HYCC1: variants seen among roughly 807,000 people sequenced by gnomAD.
The protein encoded by HYCC1 is hyccin PI4KA lipid kinase complex subunit 1.
chr7:22,919,136 G>T, the HYCC1 span, among the ~76,000 whole-genome samples: 1 of 152,196 alleles, frequency 6.6e-6, no homozygotes, highest in Non-Finnish European at 1.5e-5. Flanking sequence ...CAAAAAAATT[G>T]CATGTGAGAG....
chr7:22,949,146 C>T, the HYCC1 span, among the ~76,000 whole-genome samples: 36 of 152,096 alleles, frequency 2.4e-4, no homozygotes, highest in Non-Finnish European at 5.0e-4. Context: ...TAAGCATAGG[C>T]CTAATAGAAT....
At chr7:22,989,147 A>T in the HYCC1 span, among the ~76,000 whole-genome samples, 1 of 152,168 alleles carries the variant, frequency 6.6e-6, no homozygotes, top group East Asian at 1.9e-4. Flanking sequence ...TTGCTTTTGC[A>T]TATTTTACTT....
chr7:22,938,744 A>C, the HYCC1 span: 2 of 152,118 alleles, frequency 1.3e-5, no homozygotes, highest in African/African-American at 4.8e-5. Context: ...CCAGATATCC[A>C]ATTCATTGCT....
chr7:22,923,946 C>T, the HYCC1 span, among the ~76,000 whole-genome samples: 4 of 139,676 alleles, frequency 2.9e-5, no homozygotes, highest in African/African-American at 8.1e-5. Flanking sequence ...CACTTGAGGT[C>T]AGGAGTTCAA....
At chr7:22,912,077 T>G in the HYCC1 span, among the ~76,000 whole-genome samples, 3 of 152,238 alleles carry the variant, frequency 2.0e-5, no homozygotes, top group Non-Finnish European at 2.9e-5. Context: ...TATGGCAGCA[T>G]GAGAAACTCC....
the HYCC1 span, among the ~76,000 whole-genome samples, chr7:22,899,410 A>G: frequency 6.6e-6 from 1 of 152,210 alleles, no homozygotes; most frequent in Admixed American, 6.5e-5. Context: ...AAGGTTAAGG[A>G]TATCCAATAA....
chr7:22,956,690 T>C, the HYCC1 span, among the ~76,000 whole-genome samples: 7 of 151,884 alleles, frequency 4.6e-5, no homozygotes, highest in Admixed American at 4.6e-4. Flanking sequence ...GGGGAGGCTA[T>C]GAATGTGGGG....
chr7:22,923,514 C>T, the HYCC1 span, among the ~76,000 whole-genome samples: 21 of 151,464 alleles, frequency 1.4e-4, no homozygotes, highest in South Asian at 2.1e-4. Context: ...AAGAAAAGAA[C>T]GAAACTCAAA....
chr7:22,964,530 T>C, the HYCC1 span: 60 of 1,566,144 alleles, frequency 3.8e-5, 3 homozygotes, highest in African/African-American at 6.2e-4. Context: ...CAAACACAGA[T>C]TCTAGAAAAA....
At chr7:22,970,351 A>T in the HYCC1 span, among the ~76,000 whole-genome samples, 36 of 152,358 alleles carry the variant, frequency 2.4e-4, no homozygotes, top group African/African-American at 6.5e-4. Flanking sequence ...TTATCAAATC[A>T]TAAATCTGAG....
At chr7:22,977,286 G>A in the HYCC1 span, 1 of 1,080,656 alleles carries the variant, frequency 9.3e-7, no homozygotes, top group African/African-American at 1.6e-5. Flanking sequence ...ATTATAACTT[G>A]TGGCAATATC....
the HYCC1 span, among the ~76,000 whole-genome samples, chr7:22,923,925 G>A: frequency 1.3e-5 from 2 of 150,318 alleles, no homozygotes; most frequent in African/African-American, 4.9e-5. Context: ...GGAAAGCCCA[G>A]GCAGGCAGAT....
the HYCC1 span, among the ~76,000 whole-genome samples, chr7:22,928,865 A>G: frequency 6.6e-6 from 1 of 152,298 alleles, no homozygotes; most frequent in South Asian, 2.1e-4. Flanking sequence ...GGAACCAAAA[A>G]AGAGCCCGCA....
chr7:22,951,380 C>G, the HYCC1 span, among the ~76,000 whole-genome samples: 1 of 151,858 alleles, frequency 6.6e-6, no homozygotes, highest in Non-Finnish European at 1.5e-5. Context: ...GCATCTGGCT[C>G]TGACATGGGG....
chr7:22,960,247 A>T, the HYCC1 span: 1 of 1,612,778 alleles, frequency 6.2e-7, no homozygotes, highest in Non-Finnish European at 8.5e-7. Flanking sequence ...AGAGTTACGT[A>T]TTTCTTACCA....
At chr7:22,968,406 C>T in the HYCC1 span, among the ~76,000 whole-genome samples, 1 of 152,292 alleles carries the variant, frequency 6.6e-6, no homozygotes, top group African/African-American at 2.4e-5. Flanking sequence ...GCAGAATCCC[C>T]AGACAGAAGC....
chr7:22,916,525 GACC>G, the HYCC1 span, among the ~76,000 whole-genome samples: 1 of 152,142 alleles, frequency 6.6e-6, no homozygotes, highest in Non-Finnish European at 1.5e-5. Context: ...CAAGAGCCAG[GACC>G]ACATCCTGTA....
the HYCC1 span, among the ~76,000 whole-genome samples, chr7:23,007,500 T>TA: frequency 1.3e-5 from 2 of 152,174 alleles, no homozygotes; most frequent in African/African-American, 4.8e-5. Context: ...TTTATAATTG[T>TA]ATTCAGTCCA....
At chr7:22,919,454 G>A in the HYCC1 span, among the ~76,000 whole-genome samples, 20 of 150,860 alleles carry the variant, frequency 1.3e-4, no homozygotes, top group South Asian at 2.1e-4. Flanking sequence ...ACTTGAACCC[G>A]GGAGGCAGAG....
Sources: gnomAD v4.1 joint callset for allele counts (sites outside exome capture counted in the v4.1 genomes callset) on GRCh38, gnomAD v4.1.1 for gene constraint, MANE v1.5 for transcripts, NCBI Gene and HGNC (gene_info 2026-07-23, HGNC 2026-07-21) for gene names.